Variants in ASAP2 observed in about 807,000 individuals in gnomAD.
The protein encoded by ASAP2 is ArfGAP with SH3 domain, ankyrin repeat and PH domain 2, also known as arf-GAP with SH3 domain, ANK repeat and PH domain-containing protein 2.
Under a neutral mutation model 131.4 loss-of-function variants are expected in ASAP2, and 45 were observed. The ratio of observed to expected loss-of-function variants is 0.34; its 90% CI spans 0.27 to 0.44. The LOEUF (loss-of-function observed/expected upper bound fraction) is 0.44, where lower values mean the gene tolerates loss of function less well. ASAP2 is among the 20% of genes least tolerant of loss of function. ASAP2 has a pLI of 1.00. For missense variants in ASAP2, 1,011 were observed against 1,297.0 expected (o/e 0.78, Z 3.39); for synonymous variants, 510 against 503.0 (o/e 1.01, Z -0.19).
chr2:9,314,055 C>T (rs904702217), intron 3 of ASAP2, among the ~76,000 whole-genome samples: 1 of 152,190 alleles, frequency 6.6e-6, no homozygotes, highest in African/African-American at 2.4e-5. Context: ...GTCATCTTGG[C>T]TCACTGCAAC....
At chr2:9,270,647 A>C (rs1462535863) in intron 1 of ASAP2, among the ~76,000 whole-genome samples, 2 of 151,692 alleles carry the variant, frequency 1.3e-5, no homozygotes, top group Admixed American at 1.3e-4. Flanking sequence ...CCCTGTTTCT[A>C]TCAAATACTA....
rs547360477 is a variant in ASAP2, at chr2:9,268,944, G to C, written c.127-10373G>C. 4.6e-5 allele frequency among the ~76,000 whole-genome samples: 7 copies of C among 152,266 alleles called. No homozygotes were observed. The South Asian group carries it at 1.4e-3, about 32-fold the overall frequency. On this transcript the variant is annotated intron_variant, in intron 1 of 27. Transcript: ENST00000281419. The surrounding 1 kb of genome is among the most constrained non-coding windows in gnomAD (Gnocchi z 4.1). ...AGGGTGCTGGGGACAAACCGGTGCT[G>C]TGCTGCCTGCAGTGTGGGCTCCCTG...
At chr2:9,358,647 A>T in intron 14 of ASAP2, 109 bp from the exon 15 acceptor site, 1 of 1,372,122 alleles carries the variant, frequency 7.3e-7, no homozygotes, top group Non-Finnish European at 9.8e-7. Flanking sequence ...AAGGATCAGA[A>T]AATGCTCATG....
At chr2:9,286,265 G>T (rs922584739) in intron 2 of ASAP2, among the ~76,000 whole-genome samples, 1 of 152,008 alleles carries the variant, frequency 6.6e-6, no homozygotes, top group Admixed American at 6.5e-5. Flanking sequence ...GGGCATGATG[G>T]TGTATGCCTG....
intron 19 of ASAP2, among the ~76,000 whole-genome samples, chr2:9,379,874 C>G (rs1325273151): frequency 6.6e-6 from 1 of 151,870 alleles, no homozygotes; most frequent in Non-Finnish European, 1.5e-5. Context: ...CACCTGTAGG[C>G]CCAGCTACTT....
At chr2:9,265,836 G>A (rs1665898221) in intron 1 of ASAP2, among the ~76,000 whole-genome samples, 2 of 152,144 alleles carry the variant, frequency 1.3e-5, no homozygotes, top group African/African-American at 4.8e-5. Flanking sequence ...GCAATGGCAC[G>A]ATCTTGACTC....
intron 1 of ASAP2, among the ~76,000 whole-genome samples, chr2:9,218,579 G>C (rs1572182633): frequency 6.6e-6 from 1 of 152,234 alleles, no homozygotes; most frequent in East Asian, 1.9e-4. Flanking sequence ...TTGAAAGGAA[G>C]GGAGAATGTT....
rs530727452 is a variant in ASAP2 at position 9,404,720 on chromosome 2, A to G, written c.*1393A>G. 3.3e-5 allele frequency: 5 copies of G among 149,428 alleles called. No individual in the cohort carries two copies. In the South Asian group the frequency reaches 8.4e-4, roughly 25 times the overall value. 9.3% of individuals were successfully genotyped at this position (149,428 alleles called of 1,614,324 possible). On this transcript the variant is annotated 3_prime_UTR_variant, in exon 28 of 28. Coordinates refer to ENST00000281419, the MANE Select transcript of ASAP2 (RefSeq NM_003887.3). Reference sequence around the variant, plus strand: ...TTGATTGAAGCAGCTTGTCTTTATTATGCAAGACTGTGTAGAGTTTTTTTT... The same window carrying G: ...TTGATTGAAGCAGCTTGTCTTTATTGTGCAAGACTGTGTAGAGTTTTTTTT...
intron 1 of ASAP2, among the ~76,000 whole-genome samples, chr2:9,244,145 C>A (rs958167280): frequency 1.3e-5 from 2 of 152,062 alleles, no homozygotes; most frequent in African/African-American, 2.4e-5. Flanking sequence ...ACCAAAAAAA[C>A]CCCACAAAAA....
At chr2:9,286,298 T>C (rs985730528) in intron 2 of ASAP2, among the ~76,000 whole-genome samples, 1 of 151,764 alleles carries the variant, frequency 6.6e-6, no homozygotes, top group Admixed American at 6.6e-5. Flanking sequence ...TTTGGGAGGG[T>C]GAGGCAGGAA....
chr2:9,211,730 C>T lies in ASAP2; in HGVS notation c.126+4500C>T, dbSNP rs568259827. 3.9e-5 allele frequency among the ~76,000 whole-genome samples: 6 copies of T among 152,306 alleles called. No individual in the cohort carries two copies. The East Asian group carries it at 1.2e-3, about 29-fold the overall frequency. ...GCAGGCTCCCAGGGGCCCTGCCGTC[C>T]ATGGGACCAGACCCCTCCTAGCAGC... is the stretch of plus-strand genomic sequence containing the variant. On this transcript the variant is annotated intron_variant, in intron 1 of 27. Coordinates refer to ENST00000281419, the MANE Select transcript of ASAP2 (RefSeq NM_003887.3).
At chr2:9,341,814 G>A (rs1479461049) in intron 9 of ASAP2, among the ~76,000 whole-genome samples, 1 of 152,142 alleles carries the variant, frequency 6.6e-6, no homozygotes, top group African/African-American at 2.4e-5. Context: ...TGGAAGCTGG[G>A]ACCATCCTCA....
chr2:9,249,758 T>C (rs1553295839), intron 1 of ASAP2, among the ~76,000 whole-genome samples: 1 of 149,188 alleles, frequency 6.7e-6, no homozygotes, highest in Non-Finnish European at 1.5e-5. Flanking sequence ...GGGAGCTGCA[T>C]GCACTGCCAC....
intron 7 of ASAP2, among the ~76,000 whole-genome samples, chr2:9,333,117 A>C (rs1670951697): frequency 6.6e-6 from 1 of 152,218 alleles, no homozygotes; most frequent in Non-Finnish European, 1.5e-5. Flanking sequence ...CCATAGAGCT[A>C]CTGCTGAGTT....
intron 1 of ASAP2, among the ~76,000 whole-genome samples, chr2:9,240,956 C>G (rs1332159905): frequency 6.6e-6 from 1 of 152,188 alleles, no homozygotes; most frequent in Admixed American, 6.5e-5. Flanking sequence ...GTGGTTCTGC[C>G]AGACAAAGGG....
At position 9,206,920 on chromosome 2, in the gene ASAP2, G is replaced by C. The variant is rs1661142333; in HGVS notation, c.-185G>C. On this transcript the variant is annotated 5_prime_UTR_variant, in exon 1 of 28. Transcript: ENST00000281419. This position sits in a 1 kb window ranked among gnomAD's most constrained non-coding sequence, Gnocchi z 4.0. The stretch of plus-strand genomic sequence containing the variant: ...GGCGGGCGGACCGGCCGAGCTGCGC[G>C]GGGCTGCGCGCCGCCCCTGCTCCGC... 1 of 315,188 alleles carries C rather than the reference G, an allele frequency of 3.2e-6. No individual in the cohort carries two copies. Among genetic ancestry groups the C allele is most frequent in the Non-Finnish European group, 4.5e-6 (1 of 220,472 alleles). 19.5% of individuals were successfully genotyped at this position (315,188 alleles called of 1,614,324 possible).
chr2:9,274,196 C>G (rs1666596324), intron 1 of ASAP2, among the ~76,000 whole-genome samples: 1 of 152,022 alleles, frequency 6.6e-6, no homozygotes, highest in Non-Finnish European at 1.5e-5. Flanking sequence ...GCAAACAAGG[C>G]TAATTCAACT....
chr2:9,369,424 G>C (rs1354379683), intron 16 of ASAP2, among the ~76,000 whole-genome samples: 3 of 152,232 alleles, frequency 2.0e-5, no homozygotes, highest in African/African-American at 7.2e-5. Context: ...TTCGAGAAGA[G>C]GTGGACAGGG....
At position 9,391,906 on chromosome 2, in the gene ASAP2, G is replaced by C. The variant is rs1024053084; in HGVS notation, c.2518+710G>C. 9.2e-5 allele frequency among the ~76,000 whole-genome samples: 14 copies of C among 151,658 alleles called. No individual in the cohort carries two copies. In the East Asian group the frequency reaches 2.5e-3, roughly 27 times the overall value. Reference sequence around the variant, plus strand: ...AGCCTTGTTTTTCTTTTTAAGACAGGGTCTCTCTTTGTCCCCCAGGCTGGA... The same window carrying C: ...AGCCTTGTTTTTCTTTTTAAGACAGCGTCTCTCTTTGTCCCCCAGGCTGGA... On this transcript the variant is annotated intron_variant, in intron 23 of 27. Transcript: ENST00000281419.
Sources: allele counts gnomAD v4.1 joint callset (sites outside exome capture counted in the v4.1 genomes callset), GRCh38; gene constraint gnomAD v4.1.1; non-coding constraint Gnocchi (gnomAD v3.1); transcripts MANE v1.5; gene names NCBI Gene and HGNC (gene_info 2026-07-23, HGNC 2026-07-21).